The following ROBO2 variants were observed in gnomAD, a reference collection of about 807,000 sequenced individuals.
ROBO2 encodes roundabout homolog 2.
Under a neutral mutation model 160.8 loss-of-function variants are expected in ROBO2, and 53 were observed. The observed-to-expected ratio is 0.33, with a 90% CI of 0.26 to 0.41. The LOEUF (loss-of-function observed/expected upper bound fraction) is 0.41, where lower values mean the gene tolerates loss of function less well. ROBO2 is among the 10% of genes least tolerant of loss of function. The probability of loss-of-function intolerance (pLI) is 1.00; values close to 1 mark genes in which losing one functional copy is unlikely to be tolerated. For synonymous variants in ROBO2, 664 were observed against 611.7 expected, an observed-to-expected ratio of 1.09 and a Z score of -1.26; for missense variants, 1,577 against 1,722.4, an observed-to-expected ratio of 0.92 and a Z score of 1.49.
chr3:76,975,527 T>C (rs2059775227), intron 2 of ROBO2, among the ~76,000 whole-genome samples: 1 of 152,168 alleles, frequency 6.6e-6, no homozygotes, highest in African/African-American at 2.4e-5. Flanking sequence ...TTTAGATCAC[T>C]GTTACTTGAT....
rs1390084453 is a variant in ROBO2, at chr3:77,563,184, A to G, written c.1537A>G (p.Ser513Gly). The change falls in exon 11 of 26, where the codon AGT becomes GGT. Residue 513 changes from serine to glycine, a missense_variant. By Grantham distance (56) the Ser-to-Gly change is moderately conservative. Around this residue, in one of 2 missense-constraint regions of ROBO2, gnomAD observed 940 missense variants for 1,135.5 expected, o/e 0.83. Coordinates refer to ENST00000461745, the Ensembl canonical transcript of ROBO2. ...CTCTATAGAGTCTGGAGCAACAATC[A>G]GTAAAAACTATGATTTAAGTGACCT... 6 of 1,613,268 alleles carry G rather than the reference A, an allele frequency of 3.7e-6. No homozygotes were observed. The Admixed American group carries it at 1.0e-4, about 27-fold the overall frequency.
intron 2 of ROBO2, among the ~76,000 whole-genome samples, chr3:76,238,120 G>A (rs1367033457): frequency 1.3e-5 from 2 of 152,148 alleles, no homozygotes; most frequent in South Asian, 2.1e-4. Flanking sequence ...GACTTGGGAG[G>A]TTATTCTTAC....
At chr3:76,475,551 T>TA (rs2078889677) in intron 2 of ROBO2, among the ~76,000 whole-genome samples, 1 of 121,318 alleles carries the variant, frequency 8.2e-6, no homozygotes, top group East Asian at 2.3e-4. Context: ...ATTTCCTCAT[T>TA]AAAAAAAATT....
chr3:76,674,611 C>T (rs2092359741), intron 2 of ROBO2, among the ~76,000 whole-genome samples: 1 of 151,842 alleles, frequency 6.6e-6, no homozygotes, highest in African/African-American at 2.4e-5. Flanking sequence ...CACACACACA[C>T]ACACACACAC....
intron 2 of ROBO2, among the ~76,000 whole-genome samples, chr3:76,504,975 A>C (rs1036072949): frequency 6.6e-6 from 1 of 152,156 alleles, no homozygotes; most frequent in Non-Finnish European, 1.5e-5. Context: ...ACACACATTT[A>C]TTATGTTTGC....
At chr3:76,851,764 AAT>A (rs1553659596) in intron 2 of ROBO2, among the ~76,000 whole-genome samples, 2,034 of 134,250 alleles carry the variant, frequency 0.015, 33 homozygotes, top group East Asian at 0.031. Context: ...AAAAAAAAAA[AAT>A]ATTAACATGT....
intron 2 of ROBO2, among the ~76,000 whole-genome samples, chr3:77,261,619 A>G (rs967578167): frequency 2.0e-5 from 3 of 152,148 alleles, no homozygotes; most frequent in African/African-American, 7.2e-5. Context: ...TACTAAGGAC[A>G]TAGATGCTCA....
rs562680205 is a variant in ROBO2 at position 77,489,416 on chromosome 3, C to T, written c.668-3828C>T. Among the ~76,000 whole-genome samples, 300 of 152,234 alleles carry T rather than the reference C, an allele frequency of 2.0e-3. 1 individual carries two copies. The highest frequency in any genetic ancestry group is 7.0e-3 in the African/African-American group (292 of 41,544). ...AGAGAAGGTTCATTGTGAAGTCCTGCACCCCTGCTGAGTTCATTTGAACAG... is the reference window on the plus strand; with the variant it reads ...AGAGAAGGTTCATTGTGAAGTCCTGTACCCCTGCTGAGTTCATTTGAACAG... On this transcript the variant is annotated intron_variant, in intron 4 of 25. Coordinates refer to ENST00000461745, the Ensembl canonical transcript of ROBO2.
At chr3:77,633,687 T>C (rs1428818868) in intron 23 of ROBO2, 1 of 152,216 alleles carries the variant, frequency 6.6e-6, no homozygotes, top group Non-Finnish European at 1.5e-5. Context: ...ACATTAGCTA[T>C]CTTTAAGTGA....
At position 77,008,363 on chromosome 3, in the gene ROBO2, G is replaced by C. The variant is rs147814789; in HGVS notation, c.110-89651G>C. 9.2e-5 allele frequency among the ~76,000 whole-genome samples: 14 copies of C among 152,236 alleles called. No homozygotes were observed. In the East Asian group the frequency reaches 2.5e-3, roughly 27 times the overall value. On this transcript the variant is annotated intron_variant, in intron 2 of 26. Coordinates refer to the ROBO2 transcript ENST00000487694. ...AAAATGTTGGTTTTTTCTAAGTGAA[G>C]TTACTTGTAGCATCCATATATAATT...
At chr3:76,515,605 CTAAGCA>C (rs1306136891) in intron 2 of ROBO2, among the ~76,000 whole-genome samples, 1 of 152,016 alleles carries the variant, frequency 6.6e-6, no homozygotes, top group Non-Finnish European at 1.5e-5. Context: ...CATATAAAGC[CTAAGCA>C]TATCTTTGCT....
At chr3:76,226,545 C>T (rs1044222295) in intron 2 of ROBO2, among the ~76,000 whole-genome samples, 2 of 152,104 alleles carry the variant, frequency 1.3e-5, no homozygotes, top group African/African-American at 4.8e-5. Flanking sequence ...TGTAAGAATT[C>T]TATGCAAAGT....
chr3:76,654,913 G>GCATATATATATATATATA (rs2091428476), intron 2 of ROBO2, among the ~76,000 whole-genome samples: 1 of 74,186 alleles, frequency 1.3e-5, no homozygotes, highest in Non-Finnish European at 2.9e-5. Context: ...ATATGTGTGT[G>GCATATATATATATATATA]TATATATATA....
chr3:76,858,782 C>G (rs753113570), intron 2 of ROBO2, among the ~76,000 whole-genome samples: 2 of 152,160 alleles, frequency 1.3e-5, no homozygotes, highest in Admixed American at 1.3e-4. Flanking sequence ...GAAGCTGTCA[C>G]CACTATAGTT....
At position 76,218,922 on chromosome 3, in the gene ROBO2, G is replaced by T. The variant is rs1203269347; in HGVS notation, c.109+281320G>T. 2.6e-5 allele frequency among the ~76,000 whole-genome samples: 4 copies of T among 152,102 alleles called. No homozygotes were observed. In the East Asian group the frequency reaches 7.7e-4, roughly 29 times the overall value. On this transcript the variant is annotated intron_variant, in intron 2 of 26. Transcript: ENST00000487694. ...ACCTGACTTCAAACTATACTACAAG[G>T]CTACAGTAACCAAAGCAGCATGATA...
At position 76,215,452 on chromosome 3, in the gene ROBO2, G is replaced by A. The variant is rs1703447684; in HGVS notation, c.109+277850G>A. Among the ~76,000 whole-genome samples, 3 of 152,138 alleles carry A rather than the reference G, an allele frequency of 2.0e-5. No homozygotes were observed. In the South Asian group the frequency reaches 6.2e-4, roughly 32 times the overall value. ...ATGGCTAACTAGAATAACCAATGCA[G>A]AGAAGTCCTTAAAGGACCTGATGGA... On this transcript the variant is annotated intron_variant, in intron 2 of 26. Coordinates refer to the ROBO2 transcript ENST00000487694.
intron 2 of ROBO2, among the ~76,000 whole-genome samples, chr3:76,648,432 C>T (rs954510295): frequency 2.6e-5 from 4 of 151,946 alleles, no homozygotes; most frequent in Non-Finnish European, 2.9e-5. Flanking sequence ...ATGCAATGCA[C>T]GATCTTTGAT....
intron 2 of ROBO2, among the ~76,000 whole-genome samples, chr3:76,320,485 C>T (rs1484902651): frequency 6.6e-6 from 1 of 152,110 alleles, no homozygotes; most frequent in African/African-American, 2.4e-5. Flanking sequence ...AGAATCCCTT[C>T]ATATCAATGT....
chr3:75,980,467 TA>T (rs939341064), intron 2 of ROBO2, among the ~76,000 whole-genome samples: 3 of 151,502 alleles, frequency 2.0e-5, no homozygotes, highest in Non-Finnish European at 4.4e-5. Flanking sequence ...CTCTTGAAAT[TA>T]AAAAAACTGT....
Sources: gnomAD v4.1 joint callset for allele counts (sites outside exome capture counted in the v4.1 genomes callset) on GRCh38, gnomAD v4.1.1 for gene constraint, gnomAD v4.1.1 regional missense constraint, MANE v1.5 for transcripts, NCBI Gene and HGNC (gene_info 2026-07-23, HGNC 2026-07-21) for gene names.